TP53BP1: variants seen among roughly 807,000 people sequenced by gnomAD.
The protein encoded by TP53BP1 is TP53-binding protein 1.
A neutral mutation model predicts 200.8 loss-of-function variants in TP53BP1; 61 were observed. The ratio of observed to expected loss-of-function variants is 0.30; its 90% CI spans 0.25 to 0.38. TP53BP1 has a LOEUF of 0.38. Ranked by LOEUF, TP53BP1 falls within the 10% of genes least tolerant of loss-of-function variation. The pLI, the probability that TP53BP1 is intolerant of heterozygous loss-of-function variation, is 1.00. For synonymous variants in TP53BP1, 822 were observed against 844.3 expected (o/e 0.97, Z 0.46); for missense variants, 2,144 against 2,371.9 (o/e 0.90, Z 2.00).
Position 43,447,364 on chromosome 15 carries a change from A to G in TP53BP1, c.2836+2T>C. The stretch of plus-strand genomic sequence containing the variant: ...AAATATCATTACTTTTTATTCACTC[A>G]CCAATAGGAGTACTGTGTCTCTTGG... On this transcript the variant is annotated splice_donor_variant, in intron 13 of 27. Transcript: ENST00000382044. LOFTEE classifies it high-confidence loss of function. The G allele has an allele frequency of 2.5e-6, 4 of 1,596,536 alleles. No individual in the cohort carries two copies. Among genetic ancestry groups the G allele is most frequent in the Non-Finnish European group, 3.4e-6 (4 of 1,175,924 alleles).
intron 12 of TP53BP1, among the ~76,000 whole-genome samples, chr15:43,447,944 G>A (rs573807932): frequency 2.6e-5 from 4 of 152,272 alleles, no homozygotes; most frequent in Admixed American, 2.6e-4. Context: ...AGCAAAGTTT[G>A]AAGTTAATAC....
At position 43,457,342 on chromosome 15, in the gene TP53BP1, T is replaced by A; in HGVS notation, c.1390-124A>T. The A allele has an allele frequency of 3.3e-6, 3 of 908,898 alleles. No individual in the cohort carries two copies. The East Asian group carries it at 8.5e-5, about 26-fold the overall frequency. 56.3% of individuals were successfully genotyped at this position (908,898 alleles called of 1,614,324 possible). On this transcript the variant is annotated intron_variant, in intron 11 of 27. Transcript: ENST00000382044. Reference sequence around the variant, plus strand: ...TCTAAATCAAATTTTTAAATTCATATAAAATTTCTAAATCAAATTTAAGAA... The same window carrying A: ...TCTAAATCAAATTTTTAAATTCATAAAAAATTTCTAAATCAAATTTAAGAA...
At position 43,477,578 on chromosome 15, in the gene TP53BP1, A is replaced by C; in HGVS notation, c.955+15T>G. ...TCTTTGGAGAAGAGCTGTAACGACA[A>C]ATCACTCTTGGTACCTGTTTTATTG... On this transcript the variant is annotated intron_variant, in intron 8 of 27. Coordinates refer to ENST00000382044, the MANE Select transcript of TP53BP1 (RefSeq NM_001141980.3). The C allele has an allele frequency of 6.3e-7, 1 of 1,592,626 alleles. No homozygotes were observed. Among genetic ancestry groups the C allele is most frequent in the Non-Finnish European group, 8.5e-7 (1 of 1,172,544 alleles).
chr15:43,428,618 AG>A (rs1321307532), intron 17 of TP53BP1, among the ~76,000 whole-genome samples: 1 of 152,226 alleles, frequency 6.6e-6, no homozygotes, highest in Admixed American at 6.5e-5. Context: ...TGTTAATCTC[AG>A]TTTATCTGTT....
chr15:43,493,195 T>A, upstream of TP53BP1: 1 of 1,461,820 alleles, frequency 6.8e-7, no homozygotes, highest in Non-Finnish European at 9.0e-7. Context: ...GGATCGTCCA[T>A]TCGCTGCCGC....
intron 9 of TP53BP1, 74 bp from the exon 10 acceptor site, chr15:43,474,841 T>C: frequency 9.4e-7 from 1 of 1,059,308 alleles, no homozygotes; most frequent in Non-Finnish European, 1.4e-6. Flanking sequence ...GCTTTTACTT[T>C]TTAACAGGAA....
chr15:43,449,372 G>C (rs2046115924), intron 12 of TP53BP1, among the ~76,000 whole-genome samples: 1 of 152,164 alleles, frequency 6.6e-6, no homozygotes, highest in South Asian at 2.1e-4. Flanking sequence ...CTGAAAATGT[G>C]CATGAAATCT....
intron 23 of TP53BP1, among the ~76,000 whole-genome samples, chr15:43,413,786 G>GA (rs758315193): frequency 0.029 from 3,943 of 134,168 alleles, 141 homozygotes; most frequent in African/African-American, 0.095. Flanking sequence ...GCAGCCTTTG[G>GA]AAAAAAAAAA....
intron 17 of TP53BP1, among the ~76,000 whole-genome samples, chr15:43,429,847 C>T (rs1239911507): frequency 2.0e-5 from 3 of 152,214 alleles, no homozygotes; most frequent in Non-Finnish European, 2.9e-5. Context: ...ACAGCCTGTA[C>T]TTCCTGCCTG....
rs532406196 is a variant in TP53BP1, at chr15:43,440,511, T to C, written c.3098+1015A>G. On this transcript the variant is annotated intron_variant, in intron 15 of 27. Coordinates refer to ENST00000382044, the MANE Select transcript of TP53BP1 (RefSeq NM_001141980.3). ...GCCTGGATGACAGAGTGAGACTCCG[T>C]CTCAAAAAAAAAAACAAAAAAAAAA... Among the ~76,000 whole-genome samples the C allele has an allele frequency of 8.3e-4, 116 of 139,146 alleles. 3 individuals carry two copies. The South Asian group carries it at 0.026, about 31-fold the overall frequency. The allele number at this position is 139,146 out of a possible 152,430, so 91.3% of individuals were successfully genotyped here.
At position 43,416,352 on chromosome 15, in the gene TP53BP1, T is replaced by A; in HGVS notation, c.4746A>T (p.Gln1582His). ...CAGCCATTCGCTTATACCACTTTCTTTGGCCTTCTTTTTCAATGCTGTAGT... is the reference window on the plus strand; with the variant it reads ...CAGCCATTCGCTTATACCACTTTCTATGGCCTTCTTTTTCAATGCTGTAGT... ...ELYYSIEKEG[Q>H]RKWYKRMAVI... Residue 1582 changes from glutamine (Q) to histidine (H), a missense_variant, in exon 22 of 28, where the codon CAA (glutamine) becomes CAT (histidine). By Grantham distance (24) the Gln-to-His change is conservative. Transcript: ENST00000382044. 1 of 1,614,234 alleles carries A rather than the reference T, an allele frequency of 6.2e-7. No homozygotes were observed. The highest frequency in any genetic ancestry group is 8.5e-7 in the Non-Finnish European group (1 of 1,180,026).
chr15:43,435,420 C>T (rs1443986354), intron 16 of TP53BP1, among the ~76,000 whole-genome samples: 1 of 152,104 alleles, frequency 6.6e-6, no homozygotes, highest in Admixed American at 6.6e-5. Flanking sequence ...CTTTGCTCCA[C>T]CAAGGTTAAA....
At chr15:43,483,233 AACACACAC>A (rs71431896) in intron 4 of TP53BP1, among the ~76,000 whole-genome samples, 27 of 142,818 alleles carry the variant, frequency 1.9e-4, no homozygotes, top group South Asian at 4.5e-4. Context: ...AAAAGTACAG[AACACACAC>A]ACACACACAC....
intron 14 of TP53BP1, among the ~76,000 whole-genome samples, chr15:43,444,489 T>TA (rs2045998077): frequency 6.6e-6 from 1 of 152,222 alleles, no homozygotes; most frequent in Admixed American, 6.5e-5. Context: ...ACTGAGTTGC[T>TA]AAGATTCAAA....
Position 43,446,932 on chromosome 15 carries a change from G to T in TP53BP1, c.2837-342C>A, listed in dbSNP as rs189688501. ...AGCACTGACTAGAGAAAACAAATAG[G>T]TTAATGTAGAAGACTACTGGCTGCT... On this transcript the variant is annotated intron_variant, in intron 13 of 27. Coordinates refer to ENST00000382044, the MANE Select transcript of TP53BP1 (RefSeq NM_001141980.3). 7.8e-6 allele frequency: 5 copies of T among 641,222 alleles called. No individual in the cohort carries two copies. In the Admixed American group the frequency reaches 1.1e-4, roughly 15 times the overall value. The allele number at this position is 641,222 out of a possible 1,614,324, so 39.7% of individuals were successfully genotyped here.
intron 4 of TP53BP1, among the ~76,000 whole-genome samples, chr15:43,482,614 A>C (rs967574047): frequency 2.0e-5 from 3 of 152,116 alleles, no homozygotes; most frequent in African/African-American, 7.2e-5. Context: ...TAAAAATACA[A>C]AAAATTAGCC....
intron 1 of TP53BP1, 74 bp downstream of exon 1, chr15:43,492,962 CG>C (rs1474539275): frequency 1.1e-4 from 174 of 1,594,262 alleles, no homozygotes; most frequent in Non-Finnish European, 1.4e-4. Flanking sequence ...CCGCCCCCTC[CG>C]GTCAGCCATC....
chr15:43,437,505 G>A (rs1479338041), intron 16 of TP53BP1, among the ~76,000 whole-genome samples: 1 of 151,950 alleles, frequency 6.6e-6, no homozygotes, highest in East Asian at 1.9e-4. Context: ...GGTGGCGCAT[G>A]CTTGTGGTCC....
chr15:43,491,916 C>T, intron 3 of TP53BP1, 86 bp downstream of exon 3: 1 of 1,200,560 alleles, frequency 8.3e-7, no homozygotes, highest in Non-Finnish European at 1.2e-6. Context: ...ATACATTCGA[C>T]ACAACCACAT....
Sources: allele counts gnomAD v4.1 joint callset (sites outside exome capture counted in the v4.1 genomes callset), GRCh38; gene constraint gnomAD v4.1.1; transcripts MANE v1.5; gene names NCBI Gene and HGNC (gene_info 2026-07-23, HGNC 2026-07-21).